The following DBX2 variants were observed in gnomAD, a reference collection of about 807,000 sequenced individuals.
DBX2 encodes the protein developing brain homeobox 2.
DBX2 carries 16 observed loss-of-function variants against 17.7 expected under a neutral mutation model. That is an observed-to-expected ratio of 0.90 (90% CI 0.61 to 1.37). DBX2 has a LOEUF of 1.37. Among genes scored for constraint, DBX2 ranks in the 40% most tolerant of loss-of-function variants. The pLI is 0.00. For missense variants in DBX2, 538 were observed against 433.8 expected (o/e 1.24, Z -2.13); for synonymous variants, 255 against 183.8 (o/e 1.39, Z -3.13).
At chr12:45,048,686 A>T (rs1341985730) in intron 1 of DBX2, among the ~76,000 whole-genome samples, 1 of 152,174 alleles carries the variant, frequency 6.6e-6, no homozygotes, top group Non-Finnish European at 1.5e-5. Flanking sequence ...AATTAATGAG[A>T]TTTTAGTTTT....
chr12:45,045,837 T>G (rs1357281245), intron 1 of DBX2, among the ~76,000 whole-genome samples: 2 of 152,156 alleles, frequency 1.3e-5, no homozygotes. Context: ...TTTGACTTTA[T>G]GTAGCATAAC....
intron 2 of DBX2, among the ~76,000 whole-genome samples, chr12:45,027,213 C>T (rs1946385961): frequency 6.6e-6 from 1 of 152,156 alleles, no homozygotes; most frequent in African/African-American, 2.4e-5. Flanking sequence ...GTGCTTAGCT[C>T]ACATTAAGGA....
intron 2 of DBX2, among the ~76,000 whole-genome samples, chr12:45,035,030 C>G (rs573780502): frequency 6.6e-6 from 1 of 152,330 alleles, no homozygotes; most frequent in East Asian, 1.9e-4. Context: ...TATCAGCCCC[C>G]TAAAGAGATG....
intron 1 of DBX2, among the ~76,000 whole-genome samples, chr12:45,045,304 T>C (rs974300422): frequency 2.6e-5 from 4 of 152,254 alleles, no homozygotes; most frequent in African/African-American, 9.6e-5. Context: ...ACAAACACTG[T>C]ATTAAGGGCT....
rs146873155 is a variant in DBX2, at chr12:45,016,506, C to G, written c.800G>C (p.Arg267Pro). Residue 267 changes from arginine to proline, a missense_variant, in exon 4 of 4, where the codon CGG (arginine) becomes CCG (proline). By Grantham distance (103) the Arg-to-Pro change is moderately radical. Transcript: ENST00000332700. ...EVGLQEDPLS[R>P]SALGFPSPCP... ...TGGAGAAGGGAAACCCAGAGCAGAC[C>G]GTGAGAGGGGATCCTCTTGAAGACC... 9 of 1,613,138 alleles carry G rather than the reference C, an allele frequency of 5.6e-6. No homozygotes were observed. Among genetic ancestry groups the G allele is most frequent in the Non-Finnish European group, 7.6e-6 (9 of 1,179,738 alleles).
chr12:45,028,058 G>A (rs1243742282), intron 2 of DBX2, among the ~76,000 whole-genome samples: 1 of 152,184 alleles, frequency 6.6e-6, no homozygotes, highest in Non-Finnish European at 1.5e-5. Context: ...CCTCTTGCTG[G>A]CAATCGAGGG....
chr12:45,028,730 C>T (rs910625477), intron 2 of DBX2, among the ~76,000 whole-genome samples: 13 of 152,148 alleles, frequency 8.5e-5, no homozygotes, highest in Non-Finnish European at 1.3e-4. Flanking sequence ...AACTACTGGG[C>T]CTGGTCCTCA....
intron 1 of DBX2, among the ~76,000 whole-genome samples, chr12:45,042,860 C>T (rs774377887): frequency 2.0e-5 from 3 of 152,172 alleles, no homozygotes; most frequent in Non-Finnish European, 2.9e-5. Context: ...CAGAGTCTGG[C>T]TTCCCTCCAG....
rs1034033494 is a variant in DBX2, at chr12:45,050,482, G to T, written c.403+43C>A. On this transcript the variant is annotated intron_variant, in intron 1 of 3. Coordinates refer to ENST00000332700, the MANE Select transcript of DBX2 (RefSeq NM_001004329.3). ...CCAGATCCCTGGACCACCCGGCCTG[G>T]GGGCGCGGGCGCGGCTGGGGAGGGA... The T allele has an allele frequency of 5.2e-6, 8 of 1,542,382 alleles. 1 individual carries two copies. Among genetic ancestry groups the T allele is most frequent in the Non-Finnish European group, 7.0e-6 (8 of 1,144,240 alleles).
At chr12:45,032,151 C>A (rs1400690955) in intron 2 of DBX2, among the ~76,000 whole-genome samples, 1 of 152,118 alleles carries the variant, frequency 6.6e-6, no homozygotes, top group Non-Finnish European at 1.5e-5. Context: ...GTCTTTGAGT[C>A]TCTGACTCCT....
chr12:45,019,836 T>C (rs1270788334), intron 3 of DBX2, among the ~76,000 whole-genome samples: 2 of 152,022 alleles, frequency 1.3e-5, no homozygotes, highest in African/African-American at 4.8e-5. Flanking sequence ...AGCCCAAAAC[T>C]GAGAACAATA....
chr12:45,036,133 T>C lies in DBX2; in HGVS notation c.404-19A>G. ...GAAGGTGCTGCAGAGAAAGCATTGATCTCATTGATTAGCCATTTCTTTAAG... is the reference window on the plus strand; with the variant it reads ...GAAGGTGCTGCAGAGAAAGCATTGACCTCATTGATTAGCCATTTCTTTAAG... On this transcript the variant is annotated intron_variant, in intron 1 of 3. Coordinates refer to ENST00000332700, the MANE Select transcript of DBX2 (RefSeq NM_001004329.3). The C allele has an allele frequency of 6.3e-7, 1 of 1,584,626 alleles. No homozygotes were observed. The highest frequency in any genetic ancestry group is 8.6e-7 in the Non-Finnish European group (1 of 1,167,028).
At chr12:45,045,976 T>C (rs976872762) in intron 1 of DBX2, among the ~76,000 whole-genome samples, 1 of 152,180 alleles carries the variant, frequency 6.6e-6, no homozygotes, top group Admixed American at 6.5e-5. Flanking sequence ...AAGTGGAAAG[T>C]TCTAAAACCT....
intron 2 of DBX2, among the ~76,000 whole-genome samples, chr12:45,026,455 T>C (rs549528095): frequency 4.6e-5 from 7 of 152,334 alleles, no homozygotes; most frequent in African/African-American, 1.7e-4. Context: ...CTCTCCATTT[T>C]ACAGAAATAA....
chr12:45,039,297 A>G (rs1946457970), intron 1 of DBX2, among the ~76,000 whole-genome samples: 2 of 89,006 alleles, frequency 2.2e-5, no homozygotes, highest in Admixed American at 3.1e-4. Context: ...ATATATATAT[A>G]TATATATATA....
At chr12:45,016,764 T>C (rs1018937305) in intron 3 of DBX2, 146 bp from the exon 4 acceptor site, 3 of 589,336 alleles carry the variant, frequency 5.1e-6, no homozygotes, top group Middle Eastern at 4.8e-4. Context: ...GCTTTTCACA[T>C]GGGCTCCTTC....
intron 2 of DBX2, among the ~76,000 whole-genome samples, chr12:45,024,933 T>A (rs1329312815): frequency 6.6e-6 from 1 of 152,226 alleles, no homozygotes; most frequent in Non-Finnish European, 1.5e-5. Context: ...CATTTGCTAC[T>A]CTTTCTGCCT....
intron 2 of DBX2, among the ~76,000 whole-genome samples, chr12:45,025,127 T>C (rs2137021118): frequency 6.6e-6 from 1 of 152,276 alleles, no homozygotes; most frequent in South Asian, 2.1e-4. Flanking sequence ...AGGTTGCAAA[T>C]AGATTAAAGT....
At chr12:45,041,955 C>T (rs544987533) in intron 1 of DBX2, among the ~76,000 whole-genome samples, 1 of 152,318 alleles carries the variant, frequency 6.6e-6, no homozygotes, top group Admixed American at 6.5e-5. Context: ...GAGATGCAAT[C>T]TAACAAAATT....
Sources: gnomAD v4.1 joint callset for allele counts (sites outside exome capture counted in the v4.1 genomes callset) on GRCh38, gnomAD v4.1.1 for gene constraint, MANE v1.5 for transcripts, NCBI Gene and HGNC (gene_info 2026-07-23, HGNC 2026-07-21) for gene names.